The following GTF2F2 variants were observed in gnomAD, a reference collection of about 807,000 sequenced individuals.
GTF2F2 encodes the protein general transcription factor IIF subunit 2.
GTF2F2 carries 23 observed loss-of-function variants against 42.2 expected under a neutral mutation model. The observed-to-expected ratio is 0.55, with a 90% CI of 0.39 to 0.77. The LOEUF is 0.77. Among genes scored for constraint, GTF2F2 ranks in the 30% least tolerant of loss-of-function variants. The pLI, the probability that GTF2F2 is intolerant of heterozygous loss-of-function variation, is 0.00. For missense variants in GTF2F2, 261 were observed against 287.2 expected (o/e 0.91, Z 0.66); for synonymous variants, 105 against 100.8 (o/e 1.04, Z -0.25).
At chr13:45,270,835 TC>T (rs796261982) in intron 7 of GTF2F2, among the ~76,000 whole-genome samples, 5 of 152,362 alleles carry the variant, frequency 3.3e-5, no homozygotes, top group African/African-American at 9.6e-5. Flanking sequence ...ATATAGTGTT[TC>T]CTTTGAAGAT....
At chr13:45,221,600 A>G (rs1252753354) in intron 5 of GTF2F2, among the ~76,000 whole-genome samples, 1 of 151,908 alleles carries the variant, frequency 6.6e-6, no homozygotes, top group African/African-American at 2.4e-5. Flanking sequence ...CTCCCTCTTC[A>G]TGAAGCTGGC....
intron 1 of GTF2F2, chr13:45,123,150 T>G (rs1025839933): frequency 2.6e-5 from 4 of 152,294 alleles, no homozygotes; most frequent in African/African-American, 9.6e-5. Context: ...TAGGGTTGAT[T>G]TGGCTAATCT....
intron 4 of GTF2F2, chr13:45,194,459 G>C (rs1484966827): frequency 6.2e-7 from 1 of 1,614,114 alleles, no homozygotes; most frequent in South Asian, 1.1e-5. Context: ...CCAACGTTGA[G>C]GGTCATCAGT....
intron 5 of GTF2F2, among the ~76,000 whole-genome samples, chr13:45,248,421 T>C (rs1875737465): frequency 6.6e-6 from 1 of 152,122 alleles, no homozygotes; most frequent in Non-Finnish European, 1.5e-5. Context: ...TTTTTTGTTT[T>C]GTTTTGTTTT....
At chr13:45,137,009 C>A (rs1178180987) in intron 2 of GTF2F2, among the ~76,000 whole-genome samples, 1 of 152,196 alleles carries the variant, frequency 6.6e-6, no homozygotes, top group Non-Finnish European at 1.5e-5. Context: ...ACCCACACTC[C>A]TAGTGACTGG....
intron 6 of GTF2F2, among the ~76,000 whole-genome samples, chr13:45,255,165 TCAAAAA>T (rs1566152657): frequency 1.8e-5 from 1 of 57,094 alleles, no homozygotes. Context: ...AGACTTTGTC[TCAAAAA>T]AAAAAAAAAA....
At chr13:45,256,744 C>T (rs1404614179) in intron 6 of GTF2F2, among the ~76,000 whole-genome samples, 3 of 151,930 alleles carry the variant, frequency 2.0e-5, no homozygotes, top group Admixed American at 6.6e-5. Context: ...GAAACATAAA[C>T]GAACACAGGT....
intron 4 of GTF2F2, among the ~76,000 whole-genome samples, chr13:45,185,785 T>A (rs183799123): frequency 6.6e-6 from 1 of 152,328 alleles, no homozygotes; most frequent in Non-Finnish European, 1.5e-5. Context: ...ATTCTTCTGT[T>A]TGGTGTCTCT....
intron 4 of GTF2F2, among the ~76,000 whole-genome samples, chr13:45,155,029 A>G (rs1870681022): frequency 6.6e-6 from 1 of 152,238 alleles, no homozygotes. Flanking sequence ...ATCTCTAGGA[A>G]GTCATAAATA....
chr13:45,275,691 C>G (rs1877004932), intron 7 of GTF2F2, among the ~76,000 whole-genome samples: 1 of 152,050 alleles, frequency 6.6e-6, no homozygotes, highest in Admixed American at 6.6e-5. Context: ...TTTTCTTAAT[C>G]CAGTCTATCA....
At chr13:45,197,878 G>A (rs538600016) in intron 4 of GTF2F2, among the ~76,000 whole-genome samples, 54 of 152,290 alleles carry the variant, frequency 3.5e-4, no homozygotes, top group African/African-American at 1.3e-3. Flanking sequence ...TCAATTTAAT[G>A]GTTTCAGCAG....
intron 4 of GTF2F2, among the ~76,000 whole-genome samples, chr13:45,201,272 A>C (rs1164027683): frequency 6.6e-6 from 1 of 152,222 alleles, no homozygotes; most frequent in Admixed American, 6.5e-5. Flanking sequence ...TAGAGCACAA[A>C]TTTAAATATT....
chr13:45,232,772 A>G (rs1469821771), intron 5 of GTF2F2, among the ~76,000 whole-genome samples: 1 of 152,226 alleles, frequency 6.6e-6, no homozygotes, highest in East Asian at 1.9e-4. Context: ...TCCTTTAGTC[A>G]TTACTGAAAC....
intron 1 of GTF2F2, among the ~76,000 whole-genome samples, chr13:45,128,978 T>C (rs1253068390): frequency 2.0e-5 from 3 of 152,184 alleles, no homozygotes; most frequent in Non-Finnish European, 4.4e-5. Flanking sequence ...ATGTATGATA[T>C]ATAGTTACTT....
chr13:45,255,166 CAAAA>C (rs55795620), intron 6 of GTF2F2, among the ~76,000 whole-genome samples: 25,097 of 75,112 alleles, frequency 0.33, 1,676 homozygotes, highest in African/African-American at 0.4. Flanking sequence ...GACTTTGTCT[CAAAA>C]AAAAAAAAAA....
Position 45,267,356 on chromosome 13 carries a change from G to A in GTF2F2, c.610G>A (p.Asp204Asn). 1 of 1,609,104 alleles carries A rather than the reference G, an allele frequency of 6.2e-7. No homozygotes were observed. The highest frequency in any genetic ancestry group is 8.5e-7 in the Non-Finnish European group (1 of 1,176,662). Reference sequence around the variant, plus strand: ...ATACTATAATCTTAAGGACTTGGTGGACATCACAAAGCAACCTGTGGTATG... The same window carrying A: ...ATACTATAATCTTAAGGACTTGGTGAACATCACAAAGCAACCTGTGGTATG... ...HQYYNLKDLV[D>N]ITKQPVVYLK... Residue 204 changes from aspartate to asparagine, a missense_variant, in exon 7 of 8, where the codon GAC becomes AAC. Physicochemically the swap from Asp to Asn is conservative, Grantham distance 23 (BLOSUM62 1). Transcript: ENST00000340473.
intron 2 of GTF2F2, among the ~76,000 whole-genome samples, chr13:45,140,748 CAG>C (rs1869887493): frequency 6.6e-6 from 1 of 151,912 alleles, no homozygotes; most frequent in Non-Finnish European, 1.5e-5. Flanking sequence ...TAATGAACTT[CAG>C]AGTTTTTTAT....
chr13:45,168,966 ACCTCCTTC>A (rs528166688), intron 4 of GTF2F2, among the ~76,000 whole-genome samples: 1,045 of 64,420 alleles, frequency 0.016, 2 homozygotes, highest in Middle Eastern at 0.025. Context: ...TTCCCTCCTT[ACCTCCTTC>A]CCTCCTTCCT....
chr13:45,257,705 A>G (rs1374644148), intron 6 of GTF2F2, among the ~76,000 whole-genome samples: 1 of 152,128 alleles, frequency 6.6e-6, no homozygotes, highest in Non-Finnish European at 1.5e-5. Flanking sequence ...TATAAAACTT[A>G]CATGTATCTT....
Sources: allele counts gnomAD v4.1 joint callset (sites outside exome capture counted in the v4.1 genomes callset), GRCh38; gene constraint gnomAD v4.1.1; transcripts MANE v1.5; gene names NCBI Gene and HGNC (gene_info 2026-07-23, HGNC 2026-07-21).